Variants in DIS3L2 observed in about 807,000 individuals in gnomAD.
The protein encoded by DIS3L2 is DIS3-like exonuclease 2.
Under a neutral mutation model 97.5 loss-of-function variants are expected in DIS3L2, and 34 were observed. That is an observed-to-expected ratio of 0.35 (90% CI 0.27 to 0.46). The LOEUF is 0.46. DIS3L2 is among the 20% of genes least tolerant of loss of function. The probability of loss-of-function intolerance (pLI) is 1.00; values close to 1 mark genes in which losing one functional copy is unlikely to be tolerated. For missense variants in DIS3L2, 1,038 were observed against 1,146.0 expected, an observed-to-expected ratio of 0.91 and a Z score of 1.36; for synonymous variants, 435 against 445.2, an observed-to-expected ratio of 0.98 and a Z score of 0.29.
At chr2:232,044,285 G>A (rs1695181526) in intron 5 of DIS3L2, among the ~76,000 whole-genome samples, 1 of 152,180 alleles carries the variant, frequency 6.6e-6, no homozygotes, top group South Asian at 2.1e-4. Context: ...GGGCAAAATT[G>A]GTGGGAGACT....
In DIS3L2 at chr2:232,342,224, TACATATATACACATAC is replaced by T. The variant is rs1200312028; in HGVS notation, c.1582-1101_1582-1086del. ...ATACATATATACACATATATACACA[TACATATATACACATAC>T]ACATATATACACATACACACATACA... is the stretch of plus-strand genomic sequence containing the variant. On this transcript the variant is annotated intron_variant, in intron 13 of 13. Coordinates refer to the DIS3L2 transcript ENST00000273009. Among the ~76,000 whole-genome samples the T allele has an allele frequency of 5.6e-4, 83 of 148,626 alleles. 2 individuals are homozygous for T. Among genetic ancestry groups the T allele is most frequent in the South Asian group, 2.9e-3 (14 of 4,776 alleles).
rs559327068 is a variant in DIS3L2, at chr2:232,124,180, C to G, written c.602-6439C>G. On this transcript the variant is annotated intron_variant, in intron 6 of 20. Coordinates refer to ENST00000325385, the MANE Select transcript of DIS3L2 (RefSeq NM_152383.5). The stretch of plus-strand genomic sequence containing the variant: ...TAAAAAATGTCTATTTGAAATCAGA[C>G]TTCAAAGACAAGAACCATAAGAAAA... 3.9e-5 allele frequency among the ~76,000 whole-genome samples: 6 copies of G among 152,254 alleles called. No individual in the cohort carries two copies. In the South Asian group the frequency reaches 1.2e-3, roughly 32 times the overall value.
chr2:232,334,103 C>T (rs1559219374), intron 17 of DIS3L2, 116 bp downstream of exon 17: 31 of 1,452,346 alleles, frequency 2.1e-5, no homozygotes, highest in Non-Finnish European at 2.6e-5. Context: ...GTCCAAGGGT[C>T]GGGCGACCCA....
At chr2:232,129,242 T>A (rs1422866793) in intron 6 of DIS3L2, among the ~76,000 whole-genome samples, 1 of 152,216 alleles carries the variant, frequency 6.6e-6, no homozygotes, top group Non-Finnish European at 1.5e-5. Flanking sequence ...TTGTCAAATA[T>A]CTAAGTAGAG....
intron 8 of DIS3L2, among the ~76,000 whole-genome samples, chr2:232,137,769 T>A (rs568870534): frequency 7.2e-5 from 11 of 152,370 alleles, no homozygotes; most frequent in African/African-American, 2.4e-4. Context: ...GTGATTTAAA[T>A]GATCTCATAG....
chr2:232,293,434 A>C lies in DIS3L2; in HGVS notation c.1660-6606A>C, dbSNP rs902671647. Among the ~76,000 whole-genome samples the C allele has an allele frequency of 2.0e-5, 3 of 152,168 alleles. No individual in the cohort carries two copies. The highest frequency in any genetic ancestry group is 7.2e-5 in the African/African-American group (3 of 41,444). On this transcript the variant is annotated intron_variant, in intron 13 of 20. Coordinates refer to ENST00000325385, the MANE Select transcript of DIS3L2 (RefSeq NM_152383.5). The surrounding 1 kb of genome is among the most constrained non-coding windows in gnomAD (Gnocchi z 4.6). ...TACCTCTGGCATTCCAGCGAAGGGG[A>C]AAACAAAAGATCAGGGCCACTTTGA... is the stretch of plus-strand genomic sequence containing the variant.
intron 12 of DIS3L2, among the ~76,000 whole-genome samples, chr2:232,251,324 A>G (rs77496331): frequency 3.1e-3 from 469 of 152,296 alleles, no homozygotes; most frequent in African/African-American, 0.01. Context: ...TTGATACTTT[A>G]AAAAGGAAAC....
chr2:232,280,843 A>G (rs983904559), intron 13 of DIS3L2, among the ~76,000 whole-genome samples: 8 of 152,238 alleles, frequency 5.3e-5, no homozygotes, highest in Non-Finnish European at 1.2e-4. Flanking sequence ...TCTTCAAGAA[A>G]TGCATGGTCC....
intron 11 of DIS3L2, among the ~76,000 whole-genome samples, chr2:232,244,235 A>C (rs1693182817): frequency 6.6e-6 from 1 of 152,156 alleles, no homozygotes; most frequent in Non-Finnish European, 1.5e-5. Context: ...GATTGGATGT[A>C]GAAGGGAGAG....
At chr2:232,205,237 T>TATATAA (rs1553615767) in intron 9 of DIS3L2, among the ~76,000 whole-genome samples, 1 of 141,404 alleles carries the variant, frequency 7.1e-6, no homozygotes, top group African/African-American at 2.6e-5. Context: ...TATATATATA[T>TATATAA]AAAATGCAGT....
intron 13 of DIS3L2, among the ~76,000 whole-genome samples, chr2:232,342,224 T>TAC (rs1258462314): frequency 4.0e-5 from 6 of 148,626 alleles, no homozygotes; most frequent in Admixed American, 2.7e-4. Context: ...TATATACACA[T>TAC]ACATATATAC....
Position 232,311,028 on chromosome 2 carries a change from T to C in DIS3L2, c.1739+10909T>C, listed in dbSNP as rs551809944. On this transcript the variant is annotated intron_variant, in intron 14 of 20. Coordinates refer to ENST00000325385, the MANE Select transcript of DIS3L2 (RefSeq NM_152383.5). ...GGACAGAGTCTGAAGTCATATTTTA[T>C]AGCACTCAGTTGCCTCGGCAGAGGT... is the stretch of plus-strand genomic sequence containing the variant. Among the ~76,000 whole-genome samples the C allele has an allele frequency of 2.5e-4, 38 of 152,360 alleles. 1 individual carries two copies. In the South Asian group the frequency reaches 7.7e-3, roughly 31 times the overall value.
intron 13 of DIS3L2, among the ~76,000 whole-genome samples, chr2:232,264,380 G>T (rs896407294): frequency 6.6e-6 from 1 of 152,198 alleles, no homozygotes; most frequent in African/African-American, 2.4e-5. Context: ...TCACAGCCTT[G>T]CTGGCAGCCC....
downstream of DIS3L2, among the ~76,000 whole-genome samples, chr2:232,342,183 GTATA>G (rs1696118562): frequency 6.8e-6 from 1 of 147,102 alleles, no homozygotes; most frequent in Admixed American, 6.7e-5. Context: ...ATATATACAC[GTATA>G]CATATATACA....
Position 232,268,071 on chromosome 2 carries a change from T to G in DIS3L2, c.1659+4631T>G, listed in dbSNP as rs1574982890. Among the ~76,000 whole-genome samples, 1 of 152,174 alleles carries G rather than the reference T, an allele frequency of 6.6e-6. No homozygotes were observed. Among genetic ancestry groups the G allele is most frequent in the East Asian group, 1.9e-4 (1 of 5,200 alleles). ...TGAGGGCTTCCATGTAAAATAAGCA[T>G]GAGGTTTGCAGGAAGCTGTGCACCA... On this transcript the variant is annotated intron_variant, in intron 13 of 20. Coordinates refer to ENST00000325385, the MANE Select transcript of DIS3L2 (RefSeq NM_152383.5). The surrounding 1 kb of genome is among the most constrained non-coding windows in gnomAD (Gnocchi z 4.1).
chr2:232,082,425 C>T (rs1016060851), intron 5 of DIS3L2, among the ~76,000 whole-genome samples: 1 of 152,108 alleles, frequency 6.6e-6, no homozygotes, highest in Non-Finnish European at 1.5e-5. Flanking sequence ...GCTTGAGCCC[C>T]GCCTCCTGTC....
At chr2:232,086,223 ATAGACGTGTATACGTATATATACACACG>A (rs1475496273) in intron 5 of DIS3L2, among the ~76,000 whole-genome samples, 4 of 151,792 alleles carry the variant, frequency 2.6e-5, no homozygotes, top group African/African-American at 9.7e-5. Context: ...ATACACACGT[ATAGACGTGTATACGTATATATACACACG>A]TATAGACGTG....
At chr2:232,305,259 G>C (rs953468564) in intron 14 of DIS3L2, among the ~76,000 whole-genome samples, 1 of 151,906 alleles carries the variant, frequency 6.6e-6, no homozygotes, top group African/African-American at 2.4e-5. Context: ...TGTATTTTTA[G>C]TAGAGATGGG....
At chr2:232,342,822 C>T (rs747673601) in intron 13 of DIS3L2, among the ~76,000 whole-genome samples, 18 of 152,320 alleles carry the variant, frequency 1.2e-4, no homozygotes, top group South Asian at 2.1e-4. Context: ...GGTGAGGGGC[C>T]AGTCCCTGGG....
Sources: gnomAD v4.1 joint callset for allele counts (sites outside exome capture counted in the v4.1 genomes callset) on GRCh38, gnomAD v4.1.1 for gene constraint, Gnocchi (gnomAD v3.1) non-coding constraint, MANE v1.5 for transcripts, NCBI Gene and HGNC (gene_info 2026-07-23, HGNC 2026-07-21) for gene names.